GADL1: variants seen among roughly 807,000 people sequenced by gnomAD.
GADL1 encodes the protein acidic amino acid decarboxylase GADL1.
A neutral mutation model predicts 69.5 loss-of-function variants in GADL1; 71 were observed. That is an observed-to-expected ratio of 1.02 (90% CI 0.84 to 1.25). The LOEUF (loss-of-function observed/expected upper bound fraction) is 1.25, where lower values mean the gene tolerates loss of function less well. GADL1 is among the 50% of genes most tolerant of loss of function. GADL1 has a pLI of 0.00. For missense variants in GADL1, 737 were observed against 631.8 expected (o/e 1.17, Z -1.79); for synonymous variants, 254 against 214.4 (o/e 1.18, Z -1.62).
At position 30,827,955 on chromosome 3, in the gene GADL1, A is replaced by G. The variant is rs562450177; in HGVS notation, c.1050+5898T>C. Among the ~76,000 whole-genome samples the G allele has an allele frequency of 4.1e-4, 62 of 151,950 alleles. 2 individuals carry two copies. The highest frequency in any genetic ancestry group is 4.1e-3 in the Admixed American group (62 of 15,244). On this transcript the variant is annotated intron_variant, in intron 11 of 14. Transcript: ENST00000282538. ...ACACCTACCTTCCCCTTTTTCTGCT[A>G]CATTAGCTGGTAGGCTGTCATTCTA...
chr3:30,779,605 TATA>T (rs941797613), intron 13 of GADL1, among the ~76,000 whole-genome samples: 5 of 152,348 alleles, frequency 3.3e-5, no homozygotes, highest in Non-Finnish European at 4.4e-5. Flanking sequence ...AGCAACCTAA[TATA>T]ATAGATTTAT....
chr3:30,833,080 AG>A (rs1697818088), intron 11 of GADL1, among the ~76,000 whole-genome samples: 1 of 152,084 alleles, frequency 6.6e-6, no homozygotes, highest in Admixed American at 6.6e-5. Flanking sequence ...ACATTGGCAA[AG>A]GGAGTCCCCT....
intron 14 of GADL1, among the ~76,000 whole-genome samples, chr3:30,751,536 T>C (rs1695817556): frequency 6.6e-6 from 1 of 150,796 alleles, no homozygotes; most frequent in South Asian, 2.1e-4. Flanking sequence ...CCTATGAAAA[T>C]AGGCAAGCTG....
intron 14 of GADL1, among the ~76,000 whole-genome samples, chr3:30,736,994 A>G (rs1238209957): frequency 4.6e-5 from 7 of 152,166 alleles, no homozygotes; most frequent in Admixed American, 4.6e-4. Context: ...TATTTCCAGC[A>G]TTGTGCAGTC....
chr3:30,792,815 T>TC (rs1338629434), intron 12 of GADL1, among the ~76,000 whole-genome samples: 1 of 152,120 alleles, frequency 6.6e-6, no homozygotes, highest in Admixed American at 6.5e-5. Flanking sequence ...GTAAGAATAT[T>TC]TTCCCCAGAA....
intron 11 of GADL1, among the ~76,000 whole-genome samples, chr3:30,825,630 T>A (rs942917430): frequency 6.6e-6 from 1 of 151,632 alleles, no homozygotes; most frequent in African/African-American, 2.4e-5. Context: ...AACTATCATA[T>A]CAGAGTAGCG....
intron 14 of GADL1, among the ~76,000 whole-genome samples, chr3:30,754,766 A>G (rs867943279): frequency 6.6e-6 from 1 of 152,220 alleles, no homozygotes; most frequent in Non-Finnish European, 1.5e-5. Context: ...ACAGAGATAA[A>G]CTGGCAAATG....
At chr3:30,771,307 T>G (rs1165546095) in intron 14 of GADL1, among the ~76,000 whole-genome samples, 2 of 152,158 alleles carry the variant, frequency 1.3e-5, no homozygotes, top group Non-Finnish European at 2.9e-5. Flanking sequence ...AGAACAAAAC[T>G]GATAACCATT....
chr3:30,754,933 AAT>A (rs1695932562), intron 14 of GADL1, among the ~76,000 whole-genome samples: 2 of 152,168 alleles, frequency 1.3e-5, no homozygotes, highest in African/African-American at 2.4e-5. Flanking sequence ...TAAATGGTCA[AAT>A]ATTGAAAAAC....
At chr3:30,761,618 C>T (rs547345153) in intron 14 of GADL1, among the ~76,000 whole-genome samples, 1 of 152,254 alleles carries the variant, frequency 6.6e-6, no homozygotes, top group African/African-American at 2.4e-5. Flanking sequence ...CTAAACCAAA[C>T]TTTATCCAAT....
chr3:30,871,871 T>A (rs979806923), intron 1 of GADL1, among the ~76,000 whole-genome samples: 1 of 151,904 alleles, frequency 6.6e-6, no homozygotes, highest in Non-Finnish European at 1.5e-5. Context: ...AATAAATACA[T>A]AGTACATCAT....
At position 30,726,339 on chromosome 3, in the gene GADL1, G is replaced by A. The variant is rs1695366040; in HGVS notation, c.*1903C>T. On this transcript the variant is annotated 3_prime_UTR_variant, in exon 15 of 15. Transcript: ENST00000282538. The stretch of plus-strand genomic sequence containing the variant: ...ATGTATTGGTACAATCCAGTAAAGA[G>A]GAGATGACAGGAAAAGAAAAGTCAA... The A allele has an allele frequency of 1.3e-5, 2 of 152,130 alleles. No homozygotes were observed. The highest frequency in any genetic ancestry group is 2.9e-5 in the Non-Finnish European group (2 of 68,020). The allele number at this position is 152,130 out of a possible 1,614,324, so 9.4% of individuals were successfully genotyped here.
intron 14 of GADL1, among the ~76,000 whole-genome samples, chr3:30,732,502 AT>A (rs1437607569): frequency 1.3e-5 from 2 of 152,118 alleles, no homozygotes; most frequent in East Asian, 3.9e-4. Flanking sequence ...TCCATCAGTG[AT>A]TTAGTCATTT....
intron 14 of GADL1, among the ~76,000 whole-genome samples, chr3:30,730,062 C>G (rs900552366): frequency 1.7e-4 from 26 of 152,170 alleles, no homozygotes; most frequent in African/African-American, 6.3e-4. Flanking sequence ...ACATTTTATT[C>G]TGAGCTTTCT....
intron 14 of GADL1, among the ~76,000 whole-genome samples, chr3:30,773,752 T>A (rs1477829386): frequency 6.6e-6 from 1 of 152,198 alleles, no homozygotes; most frequent in South Asian, 2.1e-4. Flanking sequence ...ATGAATGTCT[T>A]AGTAGCTTCT....
At chr3:30,781,138 G>C (rs915655500) in intron 13 of GADL1, among the ~76,000 whole-genome samples, 6 of 151,844 alleles carry the variant, frequency 4.0e-5, no homozygotes, top group Non-Finnish European at 8.8e-5. Flanking sequence ...TCTAGTGAAG[G>C]GTACAAAAAC....
chr3:30,780,568 T>G (rs932203058), intron 13 of GADL1, among the ~76,000 whole-genome samples: 1 of 152,262 alleles, frequency 6.6e-6, no homozygotes, highest in African/African-American at 2.4e-5. Flanking sequence ...CTGAGTGGAC[T>G]CTAATATGTC....
intron 12 of GADL1, among the ~76,000 whole-genome samples, chr3:30,793,557 GAAAA>G (rs1440221388): frequency 6.6e-6 from 1 of 151,952 alleles, no homozygotes; most frequent in South Asian, 2.1e-4. Flanking sequence ...ATAAAAGAGA[GAAAA>G]AAATACATAT....
intron 14 of GADL1, among the ~76,000 whole-genome samples, chr3:30,769,742 TAA>T: frequency 6.6e-6 from 1 of 152,278 alleles, no homozygotes; most frequent in East Asian, 1.9e-4. Flanking sequence ...TCACCGTCCT[TAA>T]AACACCCACT....
Sources: gnomAD v4.1 joint callset for allele counts (sites outside exome capture counted in the v4.1 genomes callset) on GRCh38, gnomAD v4.1.1 for gene constraint, MANE v1.5 for transcripts, NCBI Gene and HGNC (gene_info 2026-07-23, HGNC 2026-07-21) for gene names.